CDH18: variants seen among roughly 807,000 people sequenced by gnomAD.
The protein encoded by CDH18 is cadherin-18.
Under a neutral mutation model 67.9 loss-of-function variants are expected in CDH18, and 31 were observed. The ratio of observed to expected loss-of-function variants is 0.46; its 90% CI spans 0.34 to 0.62. The LOEUF (loss-of-function observed/expected upper bound fraction) is 0.62. CDH18 is among the 20% of genes least tolerant of loss of function. The pLI is 0.01. For synonymous variants in CDH18, 362 were observed against 347.2 expected, an observed-to-expected ratio of 1.04 and a Z score of -0.48; for missense variants, 890 against 975.5, an observed-to-expected ratio of 0.91 and a Z score of 1.17.
At chr5:19,754,103 C>A (rs184272445) in intron 3 of CDH18, among the ~76,000 whole-genome samples, 58 of 151,818 alleles carry the variant, frequency 3.8e-4, no homozygotes, top group East Asian at 1.9e-3. Context: ...AACAAAAAAA[C>A]CCCCAAAAAA....
At chr5:19,487,475 A>G (rs1015122018) in intron 11 of CDH18, among the ~76,000 whole-genome samples, 1 of 152,206 alleles carries the variant, frequency 6.6e-6, no homozygotes, top group Non-Finnish European at 1.5e-5. Flanking sequence ...TTTGGAAAAT[A>G]TTTCACATGA....
intron 2 of CDH18, among the ~76,000 whole-genome samples, chr5:19,932,647 A>G (rs1021775409): frequency 1.3e-5 from 2 of 151,620 alleles, no homozygotes; most frequent in African/African-American, 4.8e-5. Flanking sequence ...TTGTTATACT[A>G]ATTTTTAACA....
Position 20,320,016 on chromosome 5 carries a change from A to AT in CDH18, c.-579-64512_-579-64511insA, listed in dbSNP as rs575245712. Among the ~76,000 whole-genome samples, 5 of 152,230 alleles carry AT rather than the reference A, an allele frequency of 3.3e-5. No individual in the cohort carries two copies. In the East Asian group the frequency reaches 9.7e-4, roughly 29 times the overall value. On this transcript the variant is annotated intron_variant, in intron 1 of 14. Coordinates refer to the CDH18 transcript ENST00000507958. ...TCTGATTCCAAAGACTCATTGCATT[A>AT]GATATATCAGGATGCTAAGGACACA...
intron 5 of CDH18, among the ~76,000 whole-genome samples, chr5:19,638,632 T>C (rs184234871): frequency 7.9e-5 from 12 of 151,698 alleles, no homozygotes; most frequent in African/African-American, 2.2e-4. Context: ...AGTGGAACAG[T>C]AGGAGGTTCC....
At chr5:19,734,593 G>T (rs766305198) in intron 4 of CDH18, among the ~76,000 whole-genome samples, 59 of 152,168 alleles carry the variant, frequency 3.9e-4, no homozygotes, top group Non-Finnish European at 7.1e-4. Flanking sequence ...TGTTTTGAAA[G>T]CTTCAATTTA....
At chr5:20,355,419 C>A in intron 1 of CDH18, among the ~76,000 whole-genome samples, 2 of 152,172 alleles carry the variant, frequency 1.3e-5, no homozygotes, top group South Asian at 4.1e-4. Flanking sequence ...TTAAACATAG[C>A]CTATAGCTAA....
rs527986964 is a variant in CDH18 at position 19,782,007 on chromosome 5, A to C, written c.229-34771T>G. On this transcript the variant is annotated intron_variant, in intron 3 of 12. Transcript: ENST00000382275. ...ATTCTGGCCAAAAAATCTATTTTCA[A>C]TTTAAGTGTTAGACTAACATGGGAT... 2.0e-5 allele frequency among the ~76,000 whole-genome samples: 3 copies of C among 152,304 alleles called. No homozygotes were observed. In the South Asian group the frequency reaches 6.2e-4, roughly 32 times the overall value.
chr5:19,600,077 C>T (rs1314732709), intron 6 of CDH18, among the ~76,000 whole-genome samples: 1 of 151,894 alleles, frequency 6.6e-6, no homozygotes, highest in Admixed American at 6.6e-5. Flanking sequence ...TGGAAACCAT[C>T]ATTCTCAGCA....
chr5:19,774,520 C>G (rs1438080731), intron 3 of CDH18, among the ~76,000 whole-genome samples: 2 of 151,022 alleles, frequency 1.3e-5, no homozygotes, highest in Non-Finnish European at 1.5e-5. Context: ...GGGATAAGCA[C>G]GCTTATGAAA....
Position 19,651,586 on chromosome 5 carries a change from C to T in CDH18, c.644-38985G>A, listed in dbSNP as rs554386280. Among the ~76,000 whole-genome samples, 5 of 152,020 alleles carry T rather than the reference C, an allele frequency of 3.3e-5. No individual in the cohort carries two copies. In the South Asian group the frequency reaches 1.0e-3, roughly 32 times the overall value. ...AGACAGTATTTCATCTAAAAGACAT[C>T]CCAAACTGGAAATTATTTGGTAATC... On this transcript the variant is annotated intron_variant, in intron 5 of 12. Transcript: ENST00000382275.
intron 2 of CDH18, among the ~76,000 whole-genome samples, chr5:20,163,211 T>C (rs1362509487): frequency 6.6e-6 from 1 of 152,134 alleles, no homozygotes. Context: ...TGTATATTTC[T>C]ATAAGCAACT....
intron 1 of CDH18, among the ~76,000 whole-genome samples, chr5:20,478,347 G>A (rs548480039): frequency 2.6e-5 from 4 of 152,186 alleles, no homozygotes; most frequent in East Asian, 1.9e-4. Context: ...ATTTCTGGAC[G>A]CACCCTGGGC....
At chr5:19,872,612 A>T (rs1786447012) in intron 2 of CDH18, among the ~76,000 whole-genome samples, 1 of 152,158 alleles carries the variant, frequency 6.6e-6, no homozygotes, top group South Asian at 2.1e-4. Context: ...TTGAAAGCAG[A>T]TTCTTCCCCA....
At chr5:20,294,070 ACTG>A (rs1451561467) in intron 1 of CDH18, among the ~76,000 whole-genome samples, 1 of 152,178 alleles carries the variant, frequency 6.6e-6, no homozygotes, top group African/African-American at 2.4e-5. Context: ...ATTTATATAC[ACTG>A]TTGGTCATAG....
intron 8 of CDH18, among the ~76,000 whole-genome samples, chr5:19,546,207 T>G (rs1156433493): frequency 6.6e-6 from 1 of 152,140 alleles, no homozygotes; most frequent in Non-Finnish European, 1.5e-5. Context: ...ATCAAAGGAC[T>G]GGAGATTTAT....
chr5:19,910,886 C>T (rs1007513003), intron 2 of CDH18, among the ~76,000 whole-genome samples: 2 of 151,882 alleles, frequency 1.3e-5, no homozygotes, highest in African/African-American at 2.4e-5. Flanking sequence ...AAGATATATA[C>T]GTAAGGACAT....
At chr5:20,041,647 G>A (rs981385851) in intron 2 of CDH18, among the ~76,000 whole-genome samples, 1 of 152,178 alleles carries the variant, frequency 6.6e-6, no homozygotes, top group Non-Finnish European at 1.5e-5. Context: ...GTATTTTCCA[G>A]TGATGATCTC....
At chr5:19,532,092 T>G (rs527522880) in intron 9 of CDH18, among the ~76,000 whole-genome samples, 7 of 152,310 alleles carry the variant, frequency 4.6e-5, no homozygotes, top group Admixed American at 1.3e-4. Flanking sequence ...CCATGAAAGC[T>G]GACTTGTTAA....
intron 11 of CDH18, among the ~76,000 whole-genome samples, chr5:19,495,717 CAAAAAAAAAAAAA>C (rs749003068): frequency 2.1e-5 from 1 of 46,550 alleles, no homozygotes; most frequent in Non-Finnish European, 4.0e-5. Context: ...GAAACTGTCT[CAAAAAAAAAAAAA>C]AAAAAAAAAA....
Sources: gnomAD v4.1 joint callset for allele counts (sites outside exome capture counted in the v4.1 genomes callset) on GRCh38, gnomAD v4.1.1 for gene constraint, MANE v1.5 for transcripts, NCBI Gene and HGNC (gene_info 2026-07-23, HGNC 2026-07-21) for gene names.